The following SPIDR variants were observed in gnomAD, a reference collection of about 807,000 sequenced individuals.
The protein encoded by SPIDR is DNA repair-scaffolding protein.
In SPIDR, 93 loss-of-function variants were observed where a neutral mutation model predicts 104.6. The observed-to-expected ratio is 0.89, with a 90% confidence interval of 0.75 to 1.06. The LOEUF (loss-of-function observed/expected upper bound fraction) is 1.06. SPIDR is among the 50% of genes least tolerant of loss of function. SPIDR has a pLI of 0.00. For missense variants in SPIDR, 1,154 were observed against 1,111.2 expected (o/e 1.04, Z -0.55); for synonymous variants, 431 against 416.9 (o/e 1.03, Z -0.41).
intron 7 of SPIDR, among the ~76,000 whole-genome samples, chr8:47,422,226 G>T (rs372391729): frequency 2.0e-5 from 3 of 152,340 alleles, no homozygotes; most frequent in South Asian, 2.1e-4. Flanking sequence ...ACAGAGGCAG[G>T]CAGGCCTCCT....
intron 8 of SPIDR, among the ~76,000 whole-genome samples, chr8:47,506,882 A>C (rs987622793): frequency 1.3e-5 from 2 of 152,156 alleles, no homozygotes; most frequent in African/African-American, 4.8e-5. Context: ...TGTTGTTCCT[A>C]GCAAGTTGAC....
intron 10 of SPIDR, among the ~76,000 whole-genome samples, chr8:47,600,199 A>G (rs1489459115): frequency 1.3e-5 from 2 of 152,262 alleles, no homozygotes; most frequent in African/African-American, 4.8e-5. Flanking sequence ...GAAAACACGT[A>G]GTGAAGAAAT....
rs2040453462 is a variant in SPIDR, at chr8:47,294,314, G to A, written c.525+284G>A. ...TCTTCCAGTGCAGATATATCAAAGTGCTGGAATTGCACATGTCAGCCACCA... is the reference window on the plus strand; with the variant it reads ...TCTTCCAGTGCAGATATATCAAAGTACTGGAATTGCACATGTCAGCCACCA... On this transcript the variant is annotated intron_variant, in intron 5 of 19. Coordinates refer to ENST00000297423, the MANE Select transcript of SPIDR (RefSeq NM_001080394.4). 1.7e-5 allele frequency: 5 copies of A among 294,282 alleles called. 1 individual carries two copies. Among genetic ancestry groups the A allele is most frequent in the Non-Finnish European group, 3.1e-5 (5 of 160,290 alleles). 18.2% of individuals were successfully genotyped at this position (294,282 alleles called of 1,614,324 possible).
Position 47,729,052 on chromosome 8 carries a change from G to T in SPIDR, c.2550+5G>T. ...CAGTGCAGAGTGAAGGTCAAGGTAG[G>T]AGCCAGGCCAGAGCACGCACGCACT... On this transcript the variant is annotated splice_donor_5th_base_variant and intron_variant, in intron 18 of 19. Coordinates refer to ENST00000297423, the MANE Select transcript of SPIDR (RefSeq NM_001080394.4). 6.2e-7 allele frequency: 1 copy of T among 1,613,704 alleles called. No individual in the cohort carries two copies. Among genetic ancestry groups the T allele is most frequent in the Non-Finnish European group, 8.5e-7 (1 of 1,179,944 alleles).
chr8:47,330,692 A>C, intron 5 of SPIDR: 2 of 444,382 alleles, frequency 4.5e-6, no homozygotes, highest in South Asian at 3.2e-5. Flanking sequence ...TTGATAACTT[A>C]TTTCTTTTCA....
intron 5 of SPIDR, among the ~76,000 whole-genome samples, chr8:47,365,478 C>T (rs1191519733): frequency 6.6e-6 from 1 of 152,144 alleles, no homozygotes; most frequent in Non-Finnish European, 1.5e-5. Flanking sequence ...CTTTTTTAAC[C>T]CCCATGGTGT....
At chr8:47,702,270 C>T (rs1232291892) in intron 14 of SPIDR, among the ~76,000 whole-genome samples, 1 of 152,182 alleles carries the variant, frequency 6.6e-6, no homozygotes, top group Admixed American at 6.5e-5. Context: ...TTTACAGATG[C>T]AGACTACCAG....
rs1278331240 is a variant in SPIDR, at chr8:47,687,352, G to A, written c.1686-13051G>A. Among the ~76,000 whole-genome samples, 5 of 152,100 alleles carry A rather than the reference G, an allele frequency of 3.3e-5. No homozygotes were observed. The East Asian group carries it at 9.6e-4, about 29-fold the overall frequency. On this transcript the variant is annotated intron_variant, in intron 11 of 19. Transcript: ENST00000297423. ...AGTAATCTTTCACATCTTTCTCCAC[G>A]AATGTAGACATATCTATAAACAAAA...
At chr8:47,330,391 CAG>C (rs2048461615) in intron 5 of SPIDR, among the ~76,000 whole-genome samples, 1 of 152,140 alleles carries the variant, frequency 6.6e-6, no homozygotes, top group African/African-American at 2.4e-5. Flanking sequence ...TAGTTTCTAT[CAG>C]GGTTAATTCT....
At chr8:47,498,673 T>A (rs538046334) in intron 8 of SPIDR, among the ~76,000 whole-genome samples, 1 of 152,308 alleles carries the variant, frequency 6.6e-6, no homozygotes, top group Admixed American at 6.5e-5. Flanking sequence ...AGGGAGAGAA[T>A]ATCACATCTA....
intron 16 of SPIDR, among the ~76,000 whole-genome samples, chr8:47,720,817 G>T (rs2083290317): frequency 6.6e-6 from 1 of 151,876 alleles, no homozygotes; most frequent in Admixed American, 6.6e-5. Flanking sequence ...GAGTGCAGTG[G>T]TGCAGTCTTG....
chr8:47,735,483 TG>T lies in SPIDR; in HGVS notation c.*35del. The stretch of plus-strand genomic sequence containing the variant: ...CGCAGGATCTGTGAACTTTGCAATG[TG>T]GCTGCAAGGGTGGTGGTGGTGGTGG... On this transcript the variant is annotated 3_prime_UTR_variant, in exon 20 of 20. Transcript: ENST00000297423. 1 of 1,613,998 alleles carries T rather than the reference TG, an allele frequency of 6.2e-7. No homozygotes were observed.
intron 8 of SPIDR, among the ~76,000 whole-genome samples, chr8:47,560,878 T>C (rs117732408): frequency 0.011 from 1,624 of 152,286 alleles, 10 homozygotes; most frequent in Non-Finnish European, 0.016. Flanking sequence ...AAATGGTCCC[T>C]TCTGTGCTCT....
chr8:47,618,311 C>T (rs2064632400), intron 10 of SPIDR, among the ~76,000 whole-genome samples: 1 of 151,812 alleles, frequency 6.6e-6, no homozygotes, highest in Non-Finnish European at 1.5e-5. Context: ...ATTATTCAGT[C>T]TTGAAGGAAA....
chr8:47,573,857 C>A (rs2058787486), intron 8 of SPIDR, among the ~76,000 whole-genome samples: 1 of 152,184 alleles, frequency 6.6e-6, no homozygotes. Context: ...GCCTTGGTTG[C>A]TATGTGACAT....
chr8:47,561,321 A>C (rs2057046092), intron 8 of SPIDR, among the ~76,000 whole-genome samples: 1 of 152,192 alleles, frequency 6.6e-6, no homozygotes, highest in Non-Finnish European at 1.5e-5. Context: ...GTCTCCAAGC[A>C]GAACTGATTT....
intron 8 of SPIDR, among the ~76,000 whole-genome samples, chr8:47,473,555 TC>T (rs2075964750): frequency 6.6e-6 from 1 of 152,202 alleles, no homozygotes; most frequent in African/African-American, 2.4e-5. Context: ...GCCATCTTTT[TC>T]CCAACGCTGG....
intron 8 of SPIDR, chr8:47,546,856 G>A: frequency 3.1e-6 from 1 of 318,164 alleles, no homozygotes; most frequent in South Asian, 3.2e-5. Context: ...CAGCAATGGT[G>A]AGGCGTATAC....
At chr8:47,683,457 T>C (rs1303516773) in intron 11 of SPIDR, among the ~76,000 whole-genome samples, 1 of 152,342 alleles carries the variant, frequency 6.6e-6, no homozygotes, top group East Asian at 1.9e-4. Flanking sequence ...TTCTAGTTTC[T>C]AGGCAGAGGC....
Sources: allele counts gnomAD v4.1 joint callset (sites outside exome capture counted in the v4.1 genomes callset), GRCh38; gene constraint gnomAD v4.1.1; transcripts MANE v1.5; gene names NCBI Gene and HGNC (gene_info 2026-07-23, HGNC 2026-07-21).